Variants in TSEN15 observed in about 807,000 individuals in gnomAD.
TSEN15 encodes tRNA-splicing endonuclease subunit Sen15.
Under a neutral mutation model 20.5 loss-of-function variants are expected in TSEN15, and 10 were observed. That is an observed-to-expected ratio of 0.49 (90% CI 0.30 to 0.83). The LOEUF is 0.83. Ranked by LOEUF, TSEN15 falls within the 40% of genes least tolerant of loss-of-function variation. The probability of loss-of-function intolerance (pLI) is 0.06; values close to 1 mark genes in which losing one functional copy is unlikely to be tolerated. For missense variants in TSEN15, 180 were observed against 218.6 expected, an observed-to-expected ratio of 0.82 and a Z score of 1.11; for synonymous variants, 72 against 80.1, an observed-to-expected ratio of 0.90 and a Z score of 0.54.
At chr1:184,062,389 TAC>T (rs1468798083) in intron 3 of TSEN15, among the ~76,000 whole-genome samples, 1 of 152,064 alleles carries the variant, frequency 6.6e-6, no homozygotes, top group Non-Finnish European at 1.5e-5. Flanking sequence ...TATTCATAGA[TAC>T]ACAGAGATGA....
At chr1:184,086,766 A>T (rs926615994) in intron 3 of TSEN15, among the ~76,000 whole-genome samples, 1 of 152,206 alleles carries the variant, frequency 6.6e-6, no homozygotes, top group East Asian at 1.9e-4. Context: ...AGAGAGAGCT[A>T]GAGAGAGCAC....
rs1347598685 is a variant in TSEN15 at position 184,087,348 on chromosome 1, T to C, written c.354-8342T>C. 2.0e-5 allele frequency among the ~76,000 whole-genome samples: 3 copies of C among 152,374 alleles called. No individual in the cohort carries two copies. The East Asian group carries it at 5.8e-4, about 29-fold the overall frequency. Reference sequence around the variant, plus strand: ...AAATCTGGTGTGTGTTTCATACTTATAGCATCCTTTGGTTTGGACTAGCAC... The same window carrying C: ...AAATCTGGTGTGTGTTTCATACTTACAGCATCCTTTGGTTTGGACTAGCAC... On this transcript the variant is annotated intron_variant, in intron 3 of 3. Coordinates refer to the TSEN15 transcript ENST00000643231.
chr1:184,054,652 G>T, intron 2 of TSEN15, 76 bp from the exon 3 acceptor site: 1 of 1,510,188 alleles, frequency 6.6e-7, no homozygotes, highest in Non-Finnish European at 9.0e-7. Context: ...GCTCAGCTGA[G>T]TATTAGGTAG....
intron 3 of TSEN15, among the ~76,000 whole-genome samples, chr1:184,081,535 T>C (rs1169421852): frequency 1.3e-5 from 2 of 152,184 alleles, no homozygotes; most frequent in Admixed American, 6.6e-5. Context: ...AAATCTGTCA[T>C]GTTCCTGGAT....
intron 3 of TSEN15, among the ~76,000 whole-genome samples, chr1:184,065,141 C>T (rs1650600542): frequency 6.6e-6 from 1 of 151,956 alleles, no homozygotes; most frequent in Non-Finnish European, 1.5e-5. Flanking sequence ...TCTATTCATT[C>T]TGAAGCTCAG....
chr1:184,077,856 T>C (rs1252413024), downstream of TSEN15, among the ~76,000 whole-genome samples: 2 of 152,204 alleles, frequency 1.3e-5, no homozygotes, highest in Non-Finnish European at 2.9e-5. Flanking sequence ...AGGAGTTGTT[T>C]CTTATGGATG....
intron 3 of TSEN15, among the ~76,000 whole-genome samples, chr1:184,088,364 T>C (rs900483129): frequency 6.6e-6 from 1 of 152,168 alleles, no homozygotes; most frequent in African/African-American, 2.4e-5. Context: ...GTTGATGGCA[T>C]GGACTTTGGT....
intron 3 of TSEN15, among the ~76,000 whole-genome samples, chr1:184,092,725 C>T (rs1651382096): frequency 6.6e-6 from 1 of 152,204 alleles, no homozygotes; most frequent in Non-Finnish European, 1.5e-5. Flanking sequence ...ACTTTCCTAT[C>T]AGTGTTCTTC....
chr1:184,059,846 C>A (rs1395686364), intron 3 of TSEN15, among the ~76,000 whole-genome samples: 1 of 152,234 alleles, frequency 6.6e-6, no homozygotes, highest in Non-Finnish European at 1.5e-5. Context: ...TCTGGCATTA[C>A]AGGTGTGAGC....
At chr1:184,091,168 G>C (rs922707772) in intron 3 of TSEN15, among the ~76,000 whole-genome samples, 4 of 151,970 alleles carry the variant, frequency 2.6e-5, no homozygotes, top group African/African-American at 9.7e-5. Flanking sequence ...CTACCCTCCA[G>C]TCTCAAAGCA....
intron 3 of TSEN15, among the ~76,000 whole-genome samples, chr1:184,067,252 A>G (rs1474735260): frequency 6.6e-6 from 1 of 152,126 alleles, no homozygotes; most frequent in Non-Finnish European, 1.5e-5. Flanking sequence ...CTTACACTAC[A>G]ACTGTTACCA....
chr1:184,061,688 A>G (rs1307252618), intron 3 of TSEN15, among the ~76,000 whole-genome samples: 1 of 152,056 alleles, frequency 6.6e-6, no homozygotes, highest in Non-Finnish European at 1.5e-5. Context: ...GTGTATATGT[A>G]TTTTCTGCCT....
chr1:184,057,245 G>A (rs1650281051), intron 3 of TSEN15, among the ~76,000 whole-genome samples: 1 of 152,262 alleles, frequency 6.6e-6, no homozygotes, highest in Admixed American at 6.5e-5. Context: ...GATGAGGAAG[G>A]ATGGATTCAA....
At chr1:184,076,366 C>G, downstream of TSEN15, among the ~76,000 whole-genome samples, 1 of 152,052 alleles carries the variant, frequency 6.6e-6, no homozygotes, top group East Asian at 1.9e-4. Flanking sequence ...CCATATAAGA[C>G]AGCAAACTCA....
chr1:184,069,727 A>G (rs190225449), intron 3 of TSEN15, among the ~76,000 whole-genome samples: 192 of 152,212 alleles, frequency 1.3e-3, no homozygotes, highest in Non-Finnish European at 2.0e-3. Context: ...GCAGTATCCT[A>G]TAATGGAAAC....
intron 3 of TSEN15, among the ~76,000 whole-genome samples, chr1:184,089,605 C>T (rs79619345): frequency 0.035 from 5,355 of 151,842 alleles, 140 homozygotes; most frequent in Non-Finnish European, 0.056. Context: ...CTAATAAGTG[C>T]CAGGTTACTT....
At chr1:184,089,099 G>A (rs537768600) in intron 3 of TSEN15, among the ~76,000 whole-genome samples, 3 of 152,208 alleles carry the variant, frequency 2.0e-5, no homozygotes, top group Non-Finnish European at 1.5e-5. Context: ...TTACTTTTGT[G>A]TGTGAAATTT....
chr1:184,095,113 C>G (rs1651425010), intron 3 of TSEN15: 2 of 398,570 alleles, frequency 5.0e-6, no homozygotes. Flanking sequence ...TTTTGTCTCT[C>G]TCTCTCCCCA....
downstream of TSEN15, among the ~76,000 whole-genome samples, chr1:184,075,583 T>G (rs569272338): frequency 1.0e-3 from 154 of 152,078 alleles, no homozygotes; most frequent in Non-Finnish European, 1.9e-3. Context: ...ATTTTTTCCC[T>G]CAAGGCAAAC....
Sources: gnomAD v4.1 joint callset for allele counts (sites outside exome capture counted in the v4.1 genomes callset) on GRCh38, gnomAD v4.1.1 for gene constraint, MANE v1.5 for transcripts, NCBI Gene and HGNC (gene_info 2026-07-23, HGNC 2026-07-21) for gene names.